TEX14: variants seen among roughly 807,000 people sequenced by gnomAD.
TEX14 encodes testis expressed 14, intercellular bridge forming factor, also known as inactive serine/threonine-protein kinase TEX14.
TEX14 carries 168 observed loss-of-function variants against 178.6 expected under a neutral mutation model. The ratio of observed to expected loss-of-function variants is 0.94; its 90% CI spans 0.83 to 1.07. The LOEUF (loss-of-function observed/expected upper bound fraction) is 1.07, where lower values mean the gene tolerates loss of function less well. TEX14 is among the 50% of genes least tolerant of loss of function. TEX14 has a pLI of 0.00. For synonymous variants in TEX14, 626 were observed against 634.1 expected, an observed-to-expected ratio of 0.99 and a Z score of 0.19; for missense variants, 1,730 against 1,753.6, an observed-to-expected ratio of 0.99 and a Z score of 0.24.
At chr17:58,655,912 T>G (rs1438020550) in intron 1 of TEX14, among the ~76,000 whole-genome samples, 1 of 152,240 alleles carries the variant, frequency 6.6e-6, no homozygotes, top group East Asian at 1.9e-4. Flanking sequence ...TCCTGATCTG[T>G]TGGCCTCCTC....
At chr17:58,574,823 C>T (rs2044637767) in intron 21 of TEX14, among the ~76,000 whole-genome samples, 1 of 151,796 alleles carries the variant, frequency 6.6e-6, no homozygotes, top group African/African-American at 2.4e-5. Flanking sequence ...CAGTTAAAGA[C>T]TCTATACGAC....
intron 14 of TEX14, among the ~76,000 whole-genome samples, chr17:58,598,587 T>C (rs890065102): frequency 3.3e-5 from 5 of 151,934 alleles, no homozygotes; most frequent in African/African-American, 1.2e-4. Flanking sequence ...AGACAGAGAG[T>C]ATCTACGTTG....
At chr17:58,643,275 T>C (rs1193885393) in intron 2 of TEX14, among the ~76,000 whole-genome samples, 5 of 152,168 alleles carry the variant, frequency 3.3e-5, no homozygotes, top group African/African-American at 1.2e-4. Context: ...TTGCCTATCC[T>C]TGGTTTCAAA....
At chr17:58,610,703 T>G (rs1195338648) in intron 10 of TEX14, among the ~76,000 whole-genome samples, 2 of 152,022 alleles carry the variant, frequency 1.3e-5, no homozygotes, top group African/African-American at 4.8e-5. Context: ...CTGGCCAACA[T>G]GGTGAAACTG....
chr17:58,592,395 C>T (rs930656757), intron 15 of TEX14, among the ~76,000 whole-genome samples: 4 of 150,802 alleles, frequency 2.7e-5, no homozygotes, highest in Admixed American at 6.6e-5. Flanking sequence ...ACTGCAGTGG[C>T]GCGATCTCCT....
At chr17:58,657,752 T>C (rs758919508) in intron 1 of TEX14, among the ~76,000 whole-genome samples, 35 of 152,114 alleles carry the variant, frequency 2.3e-4, no homozygotes, top group Non-Finnish European at 4.6e-4. Context: ...TGGGAGAAAC[T>C]TAGTTTATAA....
intron 18 of TEX14, among the ~76,000 whole-genome samples, chr17:58,585,441 T>C (rs1453064098): frequency 6.6e-6 from 1 of 151,890 alleles, no homozygotes; most frequent in Non-Finnish European, 1.5e-5. Flanking sequence ...GATAACTTTT[T>C]TTTACTTTTA....
intron 14 of TEX14, among the ~76,000 whole-genome samples, chr17:58,596,442 C>T (rs2045283750): frequency 6.6e-6 from 1 of 152,050 alleles, no homozygotes; most frequent in South Asian, 2.1e-4. Context: ...CCACCATGCC[C>T]AGCTAATTTT....
At chr17:58,605,687 C>T (rs1430174787) in intron 10 of TEX14, among the ~76,000 whole-genome samples, 1 of 152,226 alleles carries the variant, frequency 6.6e-6, no homozygotes, top group African/African-American at 2.4e-5. Flanking sequence ...CAGCTTCTGC[C>T]AGGCATGCTC....
chr17:58,599,726 G>T, intron 13 of TEX14, 60 bp from the exon 14 acceptor site: 1 of 1,381,618 alleles, frequency 7.2e-7, no homozygotes, highest in African/African-American at 1.4e-5. Flanking sequence ...CAGCTAAGCA[G>T]CCTTGGCTTG....
intron 2 of TEX14, among the ~76,000 whole-genome samples, chr17:58,640,219 G>A (rs772860629): frequency 2.6e-5 from 4 of 151,212 alleles, no homozygotes; most frequent in Non-Finnish European, 5.9e-5. Flanking sequence ...GCTGAGGCAC[G>A]AGAAACACTT....
intron 1 of TEX14, among the ~76,000 whole-genome samples, chr17:58,656,256 T>C (rs183797950): frequency 3.9e-5 from 6 of 152,046 alleles, no homozygotes; most frequent in South Asian, 2.1e-4. Flanking sequence ...CCAGCTTGAC[T>C]GATACGGTGA....
At chr17:58,633,550 C>A (rs545625885) in intron 2 of TEX14, among the ~76,000 whole-genome samples, 1 of 152,292 alleles carries the variant, frequency 6.6e-6, no homozygotes, top group East Asian at 1.9e-4. Flanking sequence ...TAAGCTAGGG[C>A]TGGGGATGGT....
intron 2 of TEX14, among the ~76,000 whole-genome samples, chr17:58,639,186 T>C (rs2046513210): frequency 6.6e-6 from 1 of 151,896 alleles, no homozygotes; most frequent in Non-Finnish European, 1.5e-5. Context: ...CTAATTGAAG[T>C]AACTCAGGAA....
At position 58,585,907 on chromosome 17, in the gene TEX14, A is replaced by G. The variant is rs762738574; in HGVS notation, c.2964T>C (p.His988=). The G allele has an allele frequency of 6.2e-6, 10 of 1,613,618 alleles. No individual in the cohort carries two copies. Among genetic ancestry groups the G allele is most frequent in the Non-Finnish European group, 8.5e-6 (10 of 1,179,970 alleles). The part of the protein sequence containing the change: ...NTDWQRVIEY[H]RENDEPRGNG... Reference sequence around the variant, plus strand: ...TTCCTCTGGGCTCATCATTTTCCCTATGATACTCAATAACTCGCTGCCAAT... The same window carrying G: ...TTCCTCTGGGCTCATCATTTTCCCTGTGATACTCAATAACTCGCTGCCAAT... Residue 988 remains histidine (H), a synonymous_variant, in exon 18 of 32, where the codon CAT becomes CAC. Coordinates refer to ENST00000349033, the MANE Select transcript of TEX14 (RefSeq NM_031272.5).
intron 30 of TEX14, 139 bp downstream of exon 30, chr17:58,559,314 G>A (rs1366401992): frequency 4.1e-5 from 22 of 538,836 alleles, no homozygotes; most frequent in Non-Finnish European, 5.9e-5. Flanking sequence ...CAGAAAACCT[G>A]AGCTGAACTG....
rs1267832404 is a variant in TEX14 at position 58,599,635 on chromosome 17, A to T, written c.1710T>A (p.Ser570=). 6.2e-7 allele frequency: 1 copy of T among 1,613,468 alleles called. No homozygotes were observed. The highest frequency in any genetic ancestry group is 1.1e-5 in the South Asian group (1 of 91,030). Residue 570 remains serine (S), a synonymous_variant, in exon 14 of 32, where the codon TCT becomes TCA. Coordinates refer to ENST00000349033, the MANE Select transcript of TEX14 (RefSeq NM_031272.5). The part of the protein sequence containing the change: ...GSQPHSPRVH[S]LFTEGTLDPQ... ...GATCTAGTGTCCCCTCAGTGAATAA[A>T]GAGTGAACCCTTGGTGAATGAGGTT...
At chr17:58,603,554 TAAAAAAA>T (rs71143256) in intron 11 of TEX14, among the ~76,000 whole-genome samples, 1 of 71,732 alleles carries the variant, frequency 1.4e-5, no homozygotes, top group Non-Finnish European at 2.5e-5. Context: ...GACTCCATCT[TAAAAAAA>T]AAAAAAAAAA....
At chr17:58,646,324 T>C (rs1437266024) in intron 2 of TEX14, among the ~76,000 whole-genome samples, 1 of 151,990 alleles carries the variant, frequency 6.6e-6, no homozygotes, top group African/African-American at 2.4e-5. Flanking sequence ...CGAACCAAAA[T>C]CCTTCCAATA....
Sources: gnomAD v4.1 joint callset for allele counts (sites outside exome capture counted in the v4.1 genomes callset) on GRCh38, gnomAD v4.1.1 for gene constraint, MANE v1.5 for transcripts, NCBI Gene and HGNC (gene_info 2026-07-23, HGNC 2026-07-21) for gene names.